The following CPQ variants were observed in gnomAD, a reference collection of about 807,000 sequenced individuals.
The protein encoded by CPQ is carboxypeptidase Q.
CPQ carries 37 observed loss-of-function variants against 45.7 expected under a neutral mutation model. The ratio of observed to expected loss-of-function variants is 0.81; its 90% CI spans 0.62 to 1.07. CPQ has a LOEUF of 1.07. CPQ is among the 50% of genes least tolerant of loss of function. The pLI, the probability that CPQ is intolerant of heterozygous loss-of-function variation, is 0.00. For missense variants in CPQ, 537 were observed against 572.9 expected, an observed-to-expected ratio of 0.94 and a Z score of 0.64; for synonymous variants, 186 against 205.8, an observed-to-expected ratio of 0.90 and a Z score of 0.82.
intron 1 of CPQ, among the ~76,000 whole-genome samples, chr8:96,750,732 C>T (rs551362620): frequency 1.3e-5 from 2 of 151,918 alleles, no homozygotes; most frequent in Admixed American, 1.3e-4. Flanking sequence ...CAACCCATCA[C>T]CTAGGTATAA....
chr8:96,976,852 G>A (rs551093283), intron 5 of CPQ, among the ~76,000 whole-genome samples: 1 of 152,248 alleles, frequency 6.6e-6, no homozygotes, highest in South Asian at 2.1e-4. Context: ...ATTAACTCAA[G>A]ATGGAACAAA....
intron 1 of CPQ, among the ~76,000 whole-genome samples, chr8:96,653,353 C>G (rs1370808892): frequency 6.6e-6 from 1 of 152,086 alleles, no homozygotes. Context: ...TATCTGTTGG[C>G]CATTTATATG....
chr8:97,042,680 G>A (rs1269194458), intron 6 of CPQ, among the ~76,000 whole-genome samples: 4 of 151,608 alleles, frequency 2.6e-5, no homozygotes, highest in Non-Finnish European at 5.9e-5. Context: ...ATTCTGGTAT[G>A]TTGTGTCTTT....
intron 7 of CPQ, among the ~76,000 whole-genome samples, chr8:97,097,519 A>T (rs895323259): frequency 6.6e-6 from 1 of 152,212 alleles, no homozygotes; most frequent in Non-Finnish European, 1.5e-5. Flanking sequence ...TAAGAAGCTT[A>T]AAGGTCCCTA....
intron 6 of CPQ, among the ~76,000 whole-genome samples, chr8:97,040,327 GTTGT>G (rs1351872914): frequency 1.1e-4 from 17 of 152,022 alleles, no homozygotes; most frequent in Admixed American, 5.2e-4. Context: ...TTTTGATGGG[GTTGT>G]TTGTTTTTTT....
chr8:96,647,447 T>C (rs1201467468), intron 1 of CPQ, among the ~76,000 whole-genome samples: 1 of 152,178 alleles, frequency 6.6e-6, no homozygotes, highest in African/African-American at 2.4e-5. Flanking sequence ...CATTTAATCA[T>C]CACTATATAT....
intron 3 of CPQ, among the ~76,000 whole-genome samples, chr8:96,844,240 C>T (rs1170317271): frequency 6.6e-6 from 1 of 152,158 alleles, no homozygotes; most frequent in Non-Finnish European, 1.5e-5. Flanking sequence ...GAAACTTTTT[C>T]CAGCCGGTCT....
intron 4 of CPQ, among the ~76,000 whole-genome samples, chr8:96,944,565 CAT>C (rs1374930552): frequency 6.6e-6 from 1 of 152,108 alleles, no homozygotes; most frequent in Non-Finnish European, 1.5e-5. Flanking sequence ...TGGAGTTTTT[CAT>C]ATGTCAACCA....
chr8:96,869,513 A>C (rs1812038452), intron 3 of CPQ, among the ~76,000 whole-genome samples: 1 of 152,104 alleles, frequency 6.6e-6, no homozygotes, highest in Admixed American at 6.6e-5. Context: ...TTCTTTCATG[A>C]CATCTACATT....
intron 7 of CPQ, among the ~76,000 whole-genome samples, chr8:97,128,103 A>C (rs1311860301): frequency 3.4e-4 from 51 of 152,230 alleles, no homozygotes; most frequent in Non-Finnish European, 1.5e-5. Flanking sequence ...GCATAAAAAG[A>C]AGCAGCTATT....
intron 7 of CPQ, among the ~76,000 whole-genome samples, chr8:97,072,008 T>C (rs1258835844): frequency 1.3e-5 from 2 of 152,144 alleles, no homozygotes; most frequent in Non-Finnish European, 2.9e-5. Flanking sequence ...GTAACAGATA[T>C]CCCTTTTGAA....
intron 3 of CPQ, among the ~76,000 whole-genome samples, chr8:96,854,555 A>AAAAAAC (rs1563513693): frequency 1.8e-5 from 1 of 56,424 alleles, no homozygotes. Context: ...AAAAAAAAAA[A>AAAAAAC]AAAATGTGGT....
intron 7 of CPQ, among the ~76,000 whole-genome samples, chr8:97,100,631 T>C (rs1361914239): frequency 6.6e-6 from 1 of 152,162 alleles, no homozygotes; most frequent in Non-Finnish European, 1.5e-5. Context: ...TTGAGAATAA[T>C]ACATAGAACA....
At chr8:97,110,283 T>C (rs1243859305) in intron 7 of CPQ, among the ~76,000 whole-genome samples, 1 of 152,208 alleles carries the variant, frequency 6.6e-6, no homozygotes, top group Non-Finnish European at 1.5e-5. Context: ...ATCCACGCTG[T>C]TGCATTTATC....
At chr8:96,962,941 T>C (rs927443969) in intron 4 of CPQ, among the ~76,000 whole-genome samples, 2 of 152,182 alleles carry the variant, frequency 1.3e-5, no homozygotes, top group African/African-American at 4.8e-5. Context: ...GCTCTCATAA[T>C]CCAGAGAATA....
At chr8:96,776,561 G>A (rs1219547888) in intron 1 of CPQ, among the ~76,000 whole-genome samples, 1 of 151,930 alleles carries the variant, frequency 6.6e-6, no homozygotes, top group Non-Finnish European at 1.5e-5. Flanking sequence ...AGACATTTTC[G>A]AATGATAATT....
At chr8:96,725,301 C>A (rs1250550228) in intron 1 of CPQ, among the ~76,000 whole-genome samples, 1 of 152,116 alleles carries the variant, frequency 6.6e-6, no homozygotes, top group Non-Finnish European at 1.5e-5. Context: ...AGACAACCTA[C>A]AGAAAGGGAG....
intron 1 of CPQ, among the ~76,000 whole-genome samples, chr8:96,754,816 T>C (rs1436688544): frequency 6.6e-6 from 1 of 152,052 alleles, no homozygotes; most frequent in Non-Finnish European, 1.5e-5. Flanking sequence ...TGGCACATGG[T>C]AAATGGTAAA....
At position 96,862,284 on chromosome 8, in the gene CPQ, T is replaced by TTGTGTGTG. The variant is rs34611818; in HGVS notation, c.642-17484_642-17477dup. 4.7e-3 allele frequency among the ~76,000 whole-genome samples: 659 copies of TTGTGTGTG among 141,192 alleles called. 6 individuals carry two copies. The highest frequency in any genetic ancestry group is 0.016 in the African/African-American group (617 of 38,080). 92.6% of individuals were successfully genotyped at this position (141,192 alleles called of 152,430 possible). A position where few individuals can be genotyped will look rare whatever the true frequency, so the allele number is the denominator to read the frequency against. On this transcript the variant is annotated intron_variant, in intron 3 of 7. Coordinates refer to ENST00000220763, the MANE Select transcript of CPQ (RefSeq NM_016134.4). ...GGGACAATAATATTGATTTTTGCAT[T>TTGTGTGTG]TGTGTGTGTGTGTGTGTGTGTGTGT...
Sources: allele counts gnomAD v4.1 joint callset (sites outside exome capture counted in the v4.1 genomes callset), GRCh38; gene constraint gnomAD v4.1.1; transcripts MANE v1.5; gene names NCBI Gene and HGNC (gene_info 2026-07-23, HGNC 2026-07-21).